The following TENM4 variants were observed in gnomAD, a reference collection of about 807,000 sequenced individuals.
TENM4 encodes the protein teneurin transmembrane protein 4.
In TENM4, 82 loss-of-function variants were observed where a neutral mutation model predicts 243.3. That is an observed-to-expected ratio of 0.34 (90% CI 0.28 to 0.40). The LOEUF is 0.40. Ranked by LOEUF, TENM4 falls within the 10% of genes least tolerant of loss-of-function variation. The pLI, the probability that TENM4 is intolerant of heterozygous loss-of-function variation, is 1.00. For synonymous variants in TENM4, 1,412 were observed against 1,456.3 expected (o/e 0.97, Z 0.69); for missense variants, 3,138 against 3,673.3 (o/e 0.85, Z 3.77).
intron 32 of TENM4, among the ~76,000 whole-genome samples, chr11:78,663,802 C>A (rs1189493759): frequency 6.6e-6 from 1 of 152,190 alleles, no homozygotes; most frequent in Non-Finnish European, 1.5e-5. Flanking sequence ...TGAGTTCATC[C>A]TACTGGTGTG....
At chr11:79,345,586 A>G (rs1168824398) in intron 1 of TENM4, among the ~76,000 whole-genome samples, 3 of 152,092 alleles carry the variant, frequency 2.0e-5, no homozygotes, top group African/African-American at 4.8e-5. Context: ...GAAAAAGCAC[A>G]CTCTTCAGAG....
At position 79,425,471 on chromosome 11, in the gene TENM4, AC is replaced by A. The variant is rs1379528285; in HGVS notation, c.-321+15037del. On this transcript the variant is annotated intron_variant, in intron 1 of 33. Coordinates refer to ENST00000278550, the MANE Select transcript of TENM4 (RefSeq NM_001098816.3). ...TTTGGGGAAAGACTCTTGGTTAGCTACTAAGAGACTAGCCCTAAACTCCTGG... is the reference window on the plus strand; with the variant it reads ...TTTGGGGAAAGACTCTTGGTTAGCTATAAGAGACTAGCCCTAAACTCCTGG... 9.3e-5 allele frequency among the ~76,000 whole-genome samples: 14 copies of A among 150,948 alleles called. No homozygotes were observed. In the East Asian group the frequency reaches 2.6e-3, roughly 28 times the overall value.
intron 6 of TENM4, among the ~76,000 whole-genome samples, chr11:79,058,325 T>C (rs1260778933): frequency 1.3e-5 from 2 of 151,902 alleles, no homozygotes; most frequent in African/African-American, 4.8e-5. Flanking sequence ...GGGCAGATCA[T>C]AAGGTCAGGA....
chr11:79,148,582 C>A (rs1025586601), intron 4 of TENM4, 128 bp downstream of exon 4: 9 of 172,040 alleles, frequency 5.2e-5, no homozygotes, highest in Non-Finnish European at 6.9e-5. Flanking sequence ...AAAAAAAAAT[C>A]TTTATTGTAA....
chr11:78,928,797 G>A (rs1363664513), intron 6 of TENM4, among the ~76,000 whole-genome samples: 1 of 152,144 alleles, frequency 6.6e-6, no homozygotes, highest in African/African-American at 2.4e-5. Context: ...ACATGGACCT[G>A]GATTGATCTA....
chr11:79,136,363 C>A (rs1862109983), intron 4 of TENM4, among the ~76,000 whole-genome samples: 1 of 152,090 alleles, frequency 6.6e-6, no homozygotes, highest in Non-Finnish European at 1.5e-5. Flanking sequence ...CACCACTCAG[C>A]CTCTTTCTCT....
chr11:79,382,065 T>C (rs1858015704), intron 1 of TENM4, among the ~76,000 whole-genome samples: 1 of 152,198 alleles, frequency 6.6e-6, no homozygotes, highest in South Asian at 2.1e-4. Flanking sequence ...GCATAAATTA[T>C]CTCAACTTAG....
intron 9 of TENM4, among the ~76,000 whole-genome samples, chr11:78,888,231 T>C (rs183651526): frequency 6.6e-6 from 1 of 152,344 alleles, no homozygotes; most frequent in Admixed American, 6.5e-5. Flanking sequence ...ATAACAGACA[T>C]CACTAATCAA....
chr11:79,005,510 C>G (rs1403529546), intron 6 of TENM4, among the ~76,000 whole-genome samples: 1 of 152,146 alleles, frequency 6.6e-6, no homozygotes, highest in Non-Finnish European at 1.5e-5. Context: ...ACCACATGAT[C>G]ATCTCAAAGA....
chr11:79,346,389 A>C (rs1446508682), intron 1 of TENM4, among the ~76,000 whole-genome samples: 1 of 152,138 alleles, frequency 6.6e-6, no homozygotes. Context: ...TAATGCAGAC[A>C]GATGCTTATC....
intron 7 of TENM4, among the ~76,000 whole-genome samples, chr11:78,898,748 T>C (rs368309313): frequency 1.1e-3 from 166 of 152,332 alleles, no homozygotes; most frequent in African/African-American, 3.9e-3. Context: ...CCCTGTGTTG[T>C]GTGCTGGGGA....
chr11:79,065,803 T>G (rs75588605), intron 5 of TENM4, among the ~76,000 whole-genome samples: 5,385 of 110,180 alleles, frequency 0.049, 318 homozygotes, highest in African/African-American at 0.16. Context: ...TAAGAGAAGG[T>G]CACCTAGGAG....
intron 1 of TENM4, among the ~76,000 whole-genome samples, chr11:79,321,026 G>T (rs946087526): frequency 6.6e-6 from 1 of 152,232 alleles, no homozygotes; most frequent in African/African-American, 2.4e-5. Context: ...GGTAAGAGAT[G>T]TGCATTTATC....
chr11:79,406,356 A>C (rs548328497), intron 1 of TENM4, among the ~76,000 whole-genome samples: 1 of 152,224 alleles, frequency 6.6e-6, no homozygotes, highest in African/African-American at 2.4e-5. Flanking sequence ...TGAATAGAAA[A>C]CAAAAAGGTT....
chr11:79,007,664 G>A (rs1169282234), intron 6 of TENM4, among the ~76,000 whole-genome samples: 2 of 152,124 alleles, frequency 1.3e-5, no homozygotes, highest in African/African-American at 4.8e-5. Flanking sequence ...ACCTGTCTAG[G>A]GGCAGACAGG....
chr11:78,942,555 C>T (rs1034848235), intron 6 of TENM4, among the ~76,000 whole-genome samples: 1 of 152,046 alleles, frequency 6.6e-6, no homozygotes, highest in Non-Finnish European at 1.5e-5. Context: ...GGCCTGTGGG[C>T]CAAGGGTTGG....
chr11:78,807,411 T>G (rs896907952), intron 14 of TENM4, among the ~76,000 whole-genome samples: 2 of 152,206 alleles, frequency 1.3e-5, no homozygotes, highest in Non-Finnish European at 2.9e-5. Context: ...TGACTTTCCC[T>G]AATCAAAGCT....
chr11:79,360,930 G>A (rs1441049195), intron 1 of TENM4, among the ~76,000 whole-genome samples: 4 of 152,176 alleles, frequency 2.6e-5, no homozygotes, highest in Non-Finnish European at 4.4e-5. Flanking sequence ...CTAAGCCTGT[G>A]ATACAGCAGA....
chr11:78,873,363 A>T (rs1194964330), intron 9 of TENM4, among the ~76,000 whole-genome samples: 1 of 152,210 alleles, frequency 6.6e-6, no homozygotes, highest in East Asian at 1.9e-4. Context: ...TGTACCAAGC[A>T]CTGTGCTGAG....
Sources: gnomAD v4.1 joint callset for allele counts (sites outside exome capture counted in the v4.1 genomes callset) on GRCh38, gnomAD v4.1.1 for gene constraint, MANE v1.5 for transcripts, NCBI Gene and HGNC (gene_info 2026-07-23, HGNC 2026-07-21) for gene names.